Variants in NAV2 observed in about 807,000 individuals in gnomAD.
NAV2 encodes the protein helicase, APC down-regulated 1.
A neutral mutation model predicts 223.2 loss-of-function variants in NAV2; 54 were observed. The ratio of observed to expected loss-of-function variants is 0.24; its 90% confidence interval spans 0.19 to 0.30. The LOEUF is 0.30. Ranked by LOEUF, NAV2 falls within the 10% of genes least tolerant of loss-of-function variation. NAV2 has a pLI of 1.00. For missense variants in NAV2, 2,806 were observed against 3,147.5 expected (o/e 0.89, Z 2.60); for synonymous variants, 1,279 against 1,239.3 (o/e 1.03, Z -0.67).
chr11:19,622,484 T>G (rs2047027650), intron 1 of NAV2, among the ~76,000 whole-genome samples: 1 of 152,228 alleles, frequency 6.6e-6, no homozygotes, highest in African/African-American at 2.4e-5. Flanking sequence ...CTCTTCTTGT[T>G]GAATTGATCC....
chr11:19,662,158 T>C (rs930001266), intron 1 of NAV2, among the ~76,000 whole-genome samples: 4 of 152,218 alleles, frequency 2.6e-5, no homozygotes, highest in Non-Finnish European at 5.9e-5. Flanking sequence ...ATCTTCTGTG[T>C]GTGGTTTTAA....
intron 12 of NAV2, among the ~76,000 whole-genome samples, chr11:20,042,055 T>C (rs1244063195): frequency 1.3e-5 from 2 of 152,224 alleles, no homozygotes; most frequent in Non-Finnish European, 1.5e-5. Flanking sequence ...AAATCAGTCT[T>C]ATCCCCAGAT....
intron 1 of NAV2, among the ~76,000 whole-genome samples, chr11:19,492,972 A>G (rs1179602339): frequency 2.6e-5 from 4 of 152,204 alleles, no homozygotes; most frequent in African/African-American, 9.6e-5. Context: ...TAATGTCTCT[A>G]TCACTGGAGC....
At chr11:19,567,351 A>G (rs1167998542) in intron 1 of NAV2, among the ~76,000 whole-genome samples, 2 of 152,342 alleles carry the variant, frequency 1.3e-5, no homozygotes, top group Middle Eastern at 3.4e-3. Context: ...CAACCGACCC[A>G]CTAGAGAGCA....
At chr11:20,002,197 C>A (rs2052616678) in intron 11 of NAV2, among the ~76,000 whole-genome samples, 1 of 152,166 alleles carries the variant, frequency 6.6e-6, no homozygotes, top group South Asian at 2.1e-4. Context: ...TCCAAAGACT[C>A]CACCTCTAAA....
chr11:19,352,595 AT>A (rs1328511907), intron 1 of NAV2, among the ~76,000 whole-genome samples: 1 of 152,172 alleles, frequency 6.6e-6, no homozygotes, highest in East Asian at 1.9e-4. Flanking sequence ...GCTGACATTC[AT>A]TTTAACTTGA....
chr11:19,356,941 C>T (rs1853655511), intron 1 of NAV2, among the ~76,000 whole-genome samples: 1 of 152,182 alleles, frequency 6.6e-6, no homozygotes. Context: ...AGAAGTTGAA[C>T]AATGATTCAG....
intron 30 of NAV2, among the ~76,000 whole-genome samples, chr11:20,096,245 G>A (rs943397720): frequency 4.6e-5 from 7 of 151,978 alleles, no homozygotes; most frequent in African/African-American, 9.7e-5. Flanking sequence ...ATGTCTGATC[G>A]ATGGCCAGGC....
At chr11:19,440,997 C>A (rs1478055616) in intron 1 of NAV2, among the ~76,000 whole-genome samples, 1 of 152,080 alleles carries the variant, frequency 6.6e-6, no homozygotes, top group East Asian at 1.9e-4. Context: ...ACTAACCATA[C>A]AAATAATTGT....
At chr11:19,791,780 G>A (rs964938012) in intron 1 of NAV2, among the ~76,000 whole-genome samples, 4 of 152,148 alleles carry the variant, frequency 2.6e-5, no homozygotes, top group Admixed American at 1.3e-4. Context: ...GGAAAGCATA[G>A]GACTTATTCA....
At chr11:20,028,968 G>A (rs2055397426) in intron 11 of NAV2, among the ~76,000 whole-genome samples, 1 of 152,142 alleles carries the variant, frequency 6.6e-6, no homozygotes, top group Non-Finnish European at 1.5e-5. Context: ...TCAAATAAGA[G>A]AACATACTTC....
chr11:19,962,783 A>G (rs78368496), intron 10 of NAV2, among the ~76,000 whole-genome samples: 3,828 of 152,236 alleles, frequency 0.025, 73 homozygotes, highest in Non-Finnish European at 0.04. Context: ...TTCTGAGCCT[A>G]AGGAGAGGCC....
intron 1 of NAV2, among the ~76,000 whole-genome samples, chr11:19,747,058 A>C (rs2053423245): frequency 3.2e-5 from 2 of 62,514 alleles, no homozygotes; most frequent in Non-Finnish European, 6.1e-5. Flanking sequence ...CCCACCCCAC[A>C]ACAGTCCCCA....
rs189138454 is a variant in NAV2 at position 19,602,338 on chromosome 11, C to T, written c.76-230146C>T. Reference sequence around the variant, plus strand: ...GACTGCAGGTGCACACCACCATGCCCGGCTAATTTTTGTATTTTTAGTAGA... The same window carrying T: ...GACTGCAGGTGCACACCACCATGCCTGGCTAATTTTTGTATTTTTAGTAGA... On this transcript the variant is annotated intron_variant, in intron 1 of 37. Coordinates refer to the NAV2 transcript ENST00000360655. Among the ~76,000 whole-genome samples, 528 of 151,980 alleles carry T rather than the reference C, an allele frequency of 3.5e-3. 1 individual carries two copies. The highest frequency in any genetic ancestry group is 0.012 in the African/African-American group (477 of 41,462).
intron 3 of NAV2, among the ~76,000 whole-genome samples, chr11:19,851,078 T>A (rs2061092449): frequency 1.3e-5 from 2 of 152,182 alleles, no homozygotes; most frequent in Non-Finnish European, 2.9e-5. Flanking sequence ...GTTTAGATAT[T>A]TTATCTGTAT....
At chr11:19,877,592 C>G (rs1424734284) in intron 4 of NAV2, among the ~76,000 whole-genome samples, 1 of 151,368 alleles carries the variant, frequency 6.6e-6, no homozygotes, top group East Asian at 1.9e-4. Context: ...CCTGCCTCAG[C>G]CTCCTGAGTA....
At chr11:19,992,921 G>A (rs904905587) in intron 11 of NAV2, among the ~76,000 whole-genome samples, 2 of 152,152 alleles carry the variant, frequency 1.3e-5, no homozygotes, top group Non-Finnish European at 2.9e-5. Flanking sequence ...AATGGTAACT[G>A]TTCAACAGTT....
At chr11:19,353,712 G>C (rs1014065380) in intron 1 of NAV2, among the ~76,000 whole-genome samples, 2 of 152,010 alleles carry the variant, frequency 1.3e-5, no homozygotes, top group Non-Finnish European at 2.9e-5. Flanking sequence ...TTCTTAGAGG[G>C]CTGCATGTGA....
intron 1 of NAV2, among the ~76,000 whole-genome samples, chr11:19,542,518 G>C (rs965260660): frequency 6.6e-6 from 1 of 152,174 alleles, no homozygotes; most frequent in African/African-American, 2.4e-5. Flanking sequence ...CATTTGTGGA[G>C]TATTTACTAG....
Sources: allele counts gnomAD v4.1 joint callset (sites outside exome capture counted in the v4.1 genomes callset), GRCh38; gene constraint gnomAD v4.1.1; transcripts MANE v1.5; gene names NCBI Gene and HGNC (gene_info 2026-07-23, HGNC 2026-07-21).